ALAS1: variants seen among roughly 807,000 people sequenced by gnomAD.
The protein encoded by ALAS1 is 5-aminolevulinate synthase, non-specific, mitochondrial.
ALAS1 carries 29 observed loss-of-function variants against 59.6 expected under a neutral mutation model. That is an observed-to-expected ratio of 0.49 (90% CI 0.36 to 0.66). The LOEUF is 0.66. Ranked by LOEUF, ALAS1 falls within the 30% of genes least tolerant of loss-of-function variation. The probability of loss-of-function intolerance (pLI) is 0.00; values close to 1 mark genes in which losing one functional copy is unlikely to be tolerated. For synonymous variants in ALAS1, 299 were observed against 296.6 expected (o/e 1.01, Z -0.08); for missense variants, 690 against 807.5 (o/e 0.85, Z 1.76).
chr3:52,204,023 T>C lies in ALAS1; in HGVS notation c.577+11T>C, dbSNP rs200534996. 1.5e-4 allele frequency: 241 copies of C among 1,595,214 alleles called. 3 individuals carry two copies. In the African/African-American group the frequency reaches 3.0e-3, roughly 20 times the overall value. On this transcript the variant is annotated intron_variant, in intron 5 of 11. Coordinates refer to ENST00000484952, the MANE Select transcript of ALAS1 (RefSeq NM_000688.6). ...ATAACTTGCCAAAATGTAAGTCTCA[T>C]TGTTATTTGCCTGATGTAGAAAAGA... is the stretch of plus-strand genomic sequence containing the variant.
At chr3:52,199,082 A>G in intron 2 of ALAS1, 128 bp from the exon 3 acceptor site, 1 of 1,064,634 alleles carries the variant, frequency 9.4e-7, no homozygotes, top group South Asian at 1.5e-5. Context: ...GTCCTTAGGC[A>G]TTTTTGAGGG....
At chr3:52,210,703 C>T (rs927299603) in intron 9 of ALAS1, among the ~76,000 whole-genome samples, 1 of 151,998 alleles carries the variant, frequency 6.6e-6, no homozygotes, top group African/African-American at 2.4e-5. Context: ...TACTTGAGCC[C>T]AGGAGGTTGA....
intron 3 of ALAS1, among the ~76,000 whole-genome samples, chr3:52,201,774 A>C (rs928426874): frequency 6.6e-6 from 1 of 152,076 alleles, no homozygotes; most frequent in Non-Finnish European, 1.5e-5. Flanking sequence ...AGGAAAGGAA[A>C]ATGTTAGCAG....
At chr3:52,207,876 A>G (rs1376957582) in intron 8 of ALAS1, among the ~76,000 whole-genome samples, 2 of 152,200 alleles carry the variant, frequency 1.3e-5, no homozygotes, top group African/African-American at 4.8e-5. Flanking sequence ...CTTTTTTCTA[A>G]TAGATTTGGG....
In ALAS1 at chr3:52,208,104, A is replaced by T; in HGVS notation, c.1187A>T (p.Glu396Val). Reference protein sequence around the residue: ...SMDGAVCPLEELCDVAHEFGA... With the variant: ...SMDGAVCPLEVLCDVAHEFGA... The stretch of plus-strand genomic sequence containing the variant: ...TCAGGGGCGGTGTGCCCACTGGAAG[A>T]GCTGTGTGATGTGGCCCATGAGTTT... Residue 396 changes from glutamate to valine, a missense_variant, in exon 9 of 12, where the codon GAG (glutamate) becomes GTG (valine). Coordinates refer to ENST00000484952, the MANE Select transcript of ALAS1 (RefSeq NM_000688.6). 1 of 1,591,188 alleles carries T rather than the reference A, an allele frequency of 6.3e-7. No individual in the cohort carries two copies. The highest frequency in any genetic ancestry group is 8.6e-7 in the Non-Finnish European group (1 of 1,169,216).
At position 52,208,093 on chromosome 3, in the gene ALAS1, C is replaced by A; in HGVS notation, c.1176C>A (p.Cys392Ter). Residue 392 changes from cysteine (C) to a stop codon, truncating the protein, a stop_gained, in exon 9 of 12, where the codon TGC becomes TGA. Transcript: ENST00000484952. LOFTEE classifies it high-confidence loss of function. ...ETVHSMDGAVCPLEELCDVAH... is the reference protein window; with the variant it reads ...ETVHSMDGAV ...CTGGTCTTTCCTCAGGGGCGGTGTGCCCACTGGAAGAGCTGTGTGATGTGG... is the reference window on the plus strand; with the variant it reads ...CTGGTCTTTCCTCAGGGGCGGTGTGACCACTGGAAGAGCTGTGTGATGTGG... 1 of 1,574,696 alleles carries A rather than the reference C, an allele frequency of 6.4e-7. No homozygotes were observed. The highest frequency in any genetic ancestry group is 8.6e-7 in the Non-Finnish European group (1 of 1,162,180).
In ALAS1 at chr3:52,198,847, A is replaced by T. The variant is rs1243487283; in HGVS notation, c.-34A>T. On this transcript the variant is annotated splice_region_variant and 5_prime_UTR_variant, in exon 2 of 12. Transcript: ENST00000484952. ...GATGAGTGGCTTCTTCTCCACCTAG[A>T]TGTAAGCCAAGATGTCTTATCTGCA... The T allele has an allele frequency of 6.5e-7, 1 of 1,535,534 alleles. No individual in the cohort carries two copies. The highest frequency in any genetic ancestry group is 2.0e-5 in the Admixed American group (1 of 50,978).
intron 9 of ALAS1, among the ~76,000 whole-genome samples, chr3:52,210,348 G>A (rs980121793): frequency 1.2e-4 from 18 of 152,128 alleles, no homozygotes; most frequent in South Asian, 4.1e-4. Context: ...AGGGTATTTG[G>A]GCACACTGGG....
intron 3 of ALAS1, among the ~76,000 whole-genome samples, chr3:52,199,818 A>T (rs911621363): frequency 5.3e-5 from 8 of 151,978 alleles, no homozygotes; most frequent in African/African-American, 1.9e-4. Context: ...TCGGCTTTTT[A>T]TTTATTTAAT....
At chr3:52,199,679 G>A (rs1355904417) in intron 3 of ALAS1, among the ~76,000 whole-genome samples, 1 of 152,222 alleles carries the variant, frequency 6.6e-6, no homozygotes, top group African/African-American at 2.4e-5. Context: ...TTTTTGGATT[G>A]CACGTTAGTG....
chr3:52,214,006 CTG>C lies in ALAS1; in HGVS notation c.1763-12_1763-11del, dbSNP rs752460706. The C allele has an allele frequency of 5.7e-6, 9 of 1,592,326 alleles. No individual in the cohort carries two copies. In the African/African-American group the frequency reaches 1.1e-4, roughly 19 times the overall value. On this transcript the variant is annotated splice_polypyrimidine_tract_variant and intron_variant, in intron 11 of 11. Transcript: ENST00000484952. The stretch of plus-strand genomic sequence containing the variant: ...TATTACTCCCTTTAATATTTAAAAA[CTG>C]TTTCTCCTCAGAGAATCTGCTAGTC...
intron 9 of ALAS1, among the ~76,000 whole-genome samples, chr3:52,210,859 A>G (rs1426760163): frequency 6.6e-6 from 1 of 152,168 alleles, no homozygotes; most frequent in African/African-American, 2.4e-5. Flanking sequence ...GAATTGCATC[A>G]CTAGGCGATT....
chr3:52,209,204 T>G (rs1011231943), intron 9 of ALAS1, among the ~76,000 whole-genome samples: 1 of 152,002 alleles, frequency 6.6e-6, no homozygotes, highest in Non-Finnish European at 1.5e-5. Context: ...AGAAGCTCTT[T>G]TCTTTTTTTT....
chr3:52,198,521 C>T (rs1699117148), intron 1 of ALAS1, among the ~76,000 whole-genome samples, 151 bp from the exon 2 acceptor site: 1 of 152,222 alleles, frequency 6.6e-6, no homozygotes, highest in African/African-American at 2.4e-5. Context: ...GAGACCTCGA[C>T]CGCGGGTCAC....
Position 52,208,248 on chromosome 3 carries a change from G to A in ALAS1, c.1330+1G>A, listed in dbSNP as rs1469355365. On this transcript the variant is annotated splice_donor_variant, in intron 9 of 11. Coordinates refer to ENST00000484952, the MANE Select transcript of ALAS1 (RefSeq NM_000688.6). LOFTEE classifies it high-confidence loss of function. ...ATGGACATCATTTCTGGAACACTTG[G>A]TATGTATACATTGTATTACATACAC... is the stretch of plus-strand genomic sequence containing the variant. The A allele has an allele frequency of 1.9e-6, 3 of 1,613,934 alleles. No homozygotes were observed. Among genetic ancestry groups the A allele is most frequent in the South Asian group, 2.2e-5 (2 of 91,076 alleles).
chr3:52,205,267 C>T (rs1157661996), intron 6 of ALAS1, among the ~76,000 whole-genome samples: 2 of 152,104 alleles, frequency 1.3e-5, no homozygotes, highest in African/African-American at 2.4e-5. Context: ...AATCTAGCAG[C>T]GCTAGAGAAA....
chr3:52,199,867 G>A (rs1192501136), intron 3 of ALAS1, among the ~76,000 whole-genome samples: 2 of 152,036 alleles, frequency 1.3e-5, no homozygotes, highest in African/African-American at 4.8e-5. Context: ...TGTCGCCCAG[G>A]TTGGAGTGCA....
intron 5 of ALAS1, among the ~76,000 whole-genome samples, chr3:52,204,312 A>T (rs1699250429): frequency 6.6e-6 from 1 of 152,214 alleles, no homozygotes; most frequent in Non-Finnish European, 1.5e-5. Flanking sequence ...TAAGCCCAAG[A>T]CTTCAAGGTT....
intron 1 of ALAS1, 49 bp from the exon 2 acceptor site, chr3:52,198,623 G>A: frequency 1.6e-6 from 1 of 618,316 alleles, no homozygotes; most frequent in East Asian, 2.7e-5. Flanking sequence ...TGAGGCCCAA[G>A]GCGCTGGCCC....
Sources: gnomAD v4.1 joint callset for allele counts (sites outside exome capture counted in the v4.1 genomes callset) on GRCh38, gnomAD v4.1.1 for gene constraint, MANE v1.5 for transcripts, NCBI Gene and HGNC (gene_info 2026-07-23, HGNC 2026-07-21) for gene names.